UVRAG: variants seen among roughly 807,000 people sequenced by gnomAD.
The protein encoded by UVRAG is UV radiation resistance associated, also known as UV radiation resistance-associated gene protein.
UVRAG carries 19 observed loss-of-function variants against 78.0 expected under a neutral mutation model. The observed-to-expected ratio is 0.24, with a 90% CI of 0.17 to 0.36. The LOEUF (loss-of-function observed/expected upper bound fraction) is 0.36. Ranked by LOEUF, UVRAG falls within the 10% of genes least tolerant of loss-of-function variation. The pLI is 1.00. For synonymous variants in UVRAG, 323 were observed against 324.6 expected, an observed-to-expected ratio of 1.00 and a Z score of 0.05; for missense variants, 740 against 853.8, an observed-to-expected ratio of 0.87 and a Z score of 1.66.
chr11:75,961,502 A>G lies in UVRAG; in HGVS notation c.652A>G (p.Lys218Glu), dbSNP rs1372363866. 1 of 1,607,126 alleles carries G rather than the reference A, an allele frequency of 6.2e-7. No homozygotes were observed. Among genetic ancestry groups the G allele is most frequent in the Admixed American group, 1.7e-5 (1 of 57,784 alleles). The change falls in exon 7 of 15, where the codon AAG (lysine) becomes GAG (glutamate). Residue 218 changes from lysine (K) to glutamate (E), a missense_variant. Physicochemically the swap from Lys to Glu is moderately conservative, Grantham distance 56. Transcript: ENST00000356136. ...QTQVTVQKIG[K>E]EIEEKLRLTS... ...TCAGGTAACTGTTCAGAAAATTGGA[A>G]AGGAAATTGAAGAAAAACTAAGACT...
At chr11:75,834,790 G>A (rs1317031124) in intron 1 of UVRAG, among the ~76,000 whole-genome samples, 1 of 151,934 alleles carries the variant, frequency 6.6e-6, no homozygotes, top group Admixed American at 6.6e-5. Context: ...TTCCAGCTTG[G>A]GCAACAGAGT....
At chr11:76,001,404 G>A (rs572282403) in intron 8 of UVRAG, among the ~76,000 whole-genome samples, 8 of 152,110 alleles carry the variant, frequency 5.3e-5, no homozygotes, top group Admixed American at 2.0e-4. Flanking sequence ...TTAGAAAAGA[G>A]GAGCAAATTA....
intron 7 of UVRAG, chr11:75,979,466 C>A (rs1013585083): frequency 6.6e-6 from 1 of 152,450 alleles, no homozygotes; most frequent in African/African-American, 2.4e-5. Flanking sequence ...CTATGCCCTG[C>A]CCCCAGAGGT....
At chr11:76,054,092 T>G (rs1950932016) in intron 12 of UVRAG, among the ~76,000 whole-genome samples, 1 of 152,164 alleles carries the variant, frequency 6.6e-6, no homozygotes, top group Non-Finnish European at 1.5e-5. Flanking sequence ...CAGCCTAATC[T>G]TACGGCACTT....
intron 6 of UVRAG, among the ~76,000 whole-genome samples, chr11:75,948,664 C>G (rs951415003): frequency 2.0e-5 from 3 of 151,694 alleles, no homozygotes; most frequent in Non-Finnish European, 2.9e-5. Context: ...CCAGAAAAAT[C>G]CTTTTATCAT....
intron 13 of UVRAG, among the ~76,000 whole-genome samples, chr11:76,078,666 G>T (rs1364250896): frequency 6.6e-6 from 1 of 150,844 alleles, no homozygotes; most frequent in African/African-American, 2.4e-5. Flanking sequence ...CACTTTGGGA[G>T]GCCGAGGTGT....
intron 13 of UVRAG, among the ~76,000 whole-genome samples, chr11:76,081,644 T>TA (rs1022953577): frequency 2.6e-4 from 39 of 151,236 alleles, no homozygotes; most frequent in African/African-American, 6.1e-4. Flanking sequence ...TGTATGATTT[T>TA]AAAAAAAAAC....
chr11:76,079,009 G>A (rs1951451555), intron 13 of UVRAG, among the ~76,000 whole-genome samples: 2 of 152,094 alleles, frequency 1.3e-5, no homozygotes, highest in South Asian at 4.1e-4. Flanking sequence ...TTTCTGCTGT[G>A]TCTCAGACTT....
At chr11:76,119,959 T>C (rs1952246115) in intron 14 of UVRAG, among the ~76,000 whole-genome samples, 1 of 152,200 alleles carries the variant, frequency 6.6e-6, no homozygotes, top group Admixed American at 6.5e-5. Context: ...CACTCTCACG[T>C]CCTGTCGCTG....
intron 1 of UVRAG, among the ~76,000 whole-genome samples, chr11:75,847,667 T>A (rs1315838739): frequency 6.6e-6 from 1 of 152,110 alleles, no homozygotes; most frequent in Non-Finnish European, 1.5e-5. Context: ...CATCAGTAAT[T>A]TACCCATAAA....
intron 2 of UVRAG, among the ~76,000 whole-genome samples, chr11:75,857,108 G>A (rs137870332): frequency 1.0e-3 from 158 of 152,328 alleles, no homozygotes; most frequent in African/African-American, 3.8e-3. Context: ...CATTGTTGAA[G>A]TAGACGTTTA....
At chr11:75,869,493 T>C (rs896142447) in intron 3 of UVRAG, among the ~76,000 whole-genome samples, 8 of 152,228 alleles carry the variant, frequency 5.3e-5, no homozygotes, top group African/African-American at 1.9e-4. Flanking sequence ...TGTCAGATTA[T>C]GTTACTGTCT....
intron 13 of UVRAG, among the ~76,000 whole-genome samples, chr11:76,082,236 C>G (rs1951508542): frequency 6.6e-6 from 1 of 152,004 alleles, no homozygotes; most frequent in African/African-American, 2.4e-5. Flanking sequence ...CATATTATAT[C>G]TTGCCATTAA....
chr11:76,002,887 A>G (rs1949844470), intron 8 of UVRAG, among the ~76,000 whole-genome samples: 1 of 152,076 alleles, frequency 6.6e-6, no homozygotes, highest in Non-Finnish European at 1.5e-5. Flanking sequence ...ATCAGCCTGG[A>G]CAACATGGTG....
intron 6 of UVRAG, among the ~76,000 whole-genome samples, chr11:75,943,403 T>C (rs1212992311): frequency 6.6e-6 from 1 of 152,112 alleles, no homozygotes; most frequent in Non-Finnish European, 1.5e-5. Flanking sequence ...TTGTTTATTG[T>C]TTCTAATTCT....
intron 12 of UVRAG, among the ~76,000 whole-genome samples, chr11:76,063,064 C>G (rs976715473): frequency 2.6e-5 from 4 of 152,068 alleles, no homozygotes; most frequent in Non-Finnish European, 5.9e-5. Flanking sequence ...TGAAACTGTT[C>G]TGTACTAAAG....
chr11:75,994,789 C>T (rs1371685977), intron 8 of UVRAG, among the ~76,000 whole-genome samples: 2 of 152,110 alleles, frequency 1.3e-5, no homozygotes, highest in Non-Finnish European at 2.9e-5. Flanking sequence ...AGTATGTGTC[C>T]GGGTCAACTC....
chr11:76,136,277 T>A (rs143665615), intron 14 of UVRAG, among the ~76,000 whole-genome samples: 1 of 152,194 alleles, frequency 6.6e-6, no homozygotes, highest in African/African-American at 2.4e-5. Flanking sequence ...TAAAAATCTA[T>A]GCATTATGTT....
At chr11:75,937,388 C>T (rs754897367) in intron 6 of UVRAG, among the ~76,000 whole-genome samples, 6 of 152,172 alleles carry the variant, frequency 3.9e-5, no homozygotes, top group Non-Finnish European at 5.9e-5. Flanking sequence ...CGTCTGGTAT[C>T]ATTTTCCTTA....
Sources: allele counts gnomAD v4.1 joint callset (sites outside exome capture counted in the v4.1 genomes callset), GRCh38; gene constraint gnomAD v4.1.1; transcripts MANE v1.5; gene names NCBI Gene and HGNC (gene_info 2026-07-23, HGNC 2026-07-21).